Variants in FBXO4 observed in about 807,000 individuals in gnomAD.
FBXO4 encodes the protein F-box protein 4, also known as F-box only protein 4.
Under a neutral mutation model 43.7 loss-of-function variants are expected in FBXO4, and 36 were observed. The ratio of observed to expected loss-of-function variants is 0.82; its 90% CI spans 0.63 to 1.09. The LOEUF (loss-of-function observed/expected upper bound fraction) is 1.09, where lower values mean the gene tolerates loss of function less well. Among genes scored for constraint, FBXO4 ranks in the 50% least tolerant of loss-of-function variants. The pLI, the probability that FBXO4 is intolerant of heterozygous loss-of-function variation, is 0.00. For synonymous variants in FBXO4, 180 were observed against 165.6 expected, an observed-to-expected ratio of 1.09 and a Z score of -0.67; for missense variants, 435 against 474.1, an observed-to-expected ratio of 0.92 and a Z score of 0.77.
chr5:42,016,182 C>T, the FBXO4 span, among the ~76,000 whole-genome samples: 2 of 152,116 alleles, frequency 1.3e-5, no homozygotes, highest in African/African-American at 4.8e-5. Context: ...TTTCCATGCT[C>T]ATCTCCAGGT....
the FBXO4 span, among the ~76,000 whole-genome samples, chr5:41,988,497 A>G: frequency 6.6e-6 from 1 of 152,176 alleles, no homozygotes; most frequent in Admixed American, 6.6e-5. Context: ...AGAACTCACA[A>G]AAGTGTTGGG....
At chr5:42,024,302 A>G in the FBXO4 span, among the ~76,000 whole-genome samples, 1 of 152,094 alleles carries the variant, frequency 6.6e-6, no homozygotes, top group Non-Finnish European at 1.5e-5. Context: ...ATCTTTCTAA[A>G]AGGTAATCAT....
the FBXO4 span, among the ~76,000 whole-genome samples, chr5:41,977,920 C>G: frequency 6.6e-6 from 1 of 152,230 alleles, no homozygotes; most frequent in South Asian, 2.1e-4. Context: ...TGCCCCACTT[C>G]TGGCACTAAG....
the FBXO4 span, among the ~76,000 whole-genome samples, chr5:41,964,851 G>A: frequency 6.6e-6 from 1 of 152,014 alleles, no homozygotes; most frequent in East Asian, 1.9e-4. Flanking sequence ...CACTCTGATG[G>A]TAGTTTCTTT....
downstream of FBXO4, among the ~76,000 whole-genome samples, chr5:41,942,878 A>G (rs576074953): frequency 4.6e-5 from 7 of 152,258 alleles, no homozygotes; most frequent in South Asian, 2.1e-4. Context: ...CCATATAATT[A>G]TGGGTAACAA....
chr5:41,976,746 G>T, the FBXO4 span, among the ~76,000 whole-genome samples: 1 of 152,188 alleles, frequency 6.6e-6, no homozygotes, highest in African/African-American at 2.4e-5. Context: ...AGCTGCCCAT[G>T]ACTAACATTC....
chr5:42,028,718 A>G, the FBXO4 span, among the ~76,000 whole-genome samples: 2 of 151,594 alleles, frequency 1.3e-5, no homozygotes, highest in Non-Finnish European at 2.9e-5. Flanking sequence ...GCTTGAGGTT[A>G]CCATGAAGGT....
the FBXO4 span, among the ~76,000 whole-genome samples, chr5:42,001,993 C>A: frequency 1.3e-5 from 2 of 152,178 alleles, no homozygotes; most frequent in Non-Finnish European, 2.9e-5. Flanking sequence ...CTGTGCCCAG[C>A]CACCTTAATT....
At chr5:42,038,817 T>G in the FBXO4 span, among the ~76,000 whole-genome samples, 1 of 152,070 alleles carries the variant, frequency 6.6e-6, no homozygotes, top group Non-Finnish European at 1.5e-5. Context: ...TCTACTTCCA[T>G]GAATTCATTT....
At chr5:41,979,650 G>C in the FBXO4 span, among the ~76,000 whole-genome samples, 1 of 152,202 alleles carries the variant, frequency 6.6e-6, no homozygotes, top group Non-Finnish European at 1.5e-5. Flanking sequence ...GCCAGTGCAA[G>C]TTGGTGCCAG....
chr5:41,981,860 T>C, the FBXO4 span, among the ~76,000 whole-genome samples: 2 of 151,816 alleles, frequency 1.3e-5, no homozygotes, highest in East Asian at 1.9e-4. Context: ...TAACTCCTCA[T>C]TTAGCATTAG....
chr5:41,929,777 AC>A lies in FBXO4; in HGVS notation c.507del (p.Ser170ProfsTer2). The A allele has an allele frequency of 6.2e-7, 1 of 1,613,804 alleles. No individual in the cohort carries two copies. Among genetic ancestry groups the A allele is most frequent in the Non-Finnish European group, 8.5e-7 (1 of 1,179,938 alleles). ...TATGGAGCTGTCACTTCTTTTTTAC[AC>A]TCCCTGATCATTCAGAATGAACCAC... ...PMYGAVTSFL[H>X]SLIIQNEPRF... On this transcript the variant is annotated frameshift_variant, in exon 3 of 7. Coordinates refer to ENST00000281623, the MANE Select transcript of FBXO4 (RefSeq NM_012176.3). LOFTEE classifies it high-confidence loss of function.
chr5:42,028,231 G>A, the FBXO4 span, among the ~76,000 whole-genome samples: 1 of 151,794 alleles, frequency 6.6e-6, no homozygotes, highest in South Asian at 2.1e-4. Flanking sequence ...ATTTAAAATT[G>A]TTATATTCTT....
intron 6 of FBXO4, 86 bp downstream of exon 6, chr5:41,939,702 A>G: frequency 9.0e-7 from 1 of 1,112,938 alleles, no homozygotes; most frequent in Non-Finnish European, 1.2e-6. Flanking sequence ...CATCTTCTTT[A>G]ATGAAATGGC....
chr5:42,032,665 C>T, the FBXO4 span, among the ~76,000 whole-genome samples: 1 of 152,148 alleles, frequency 6.6e-6, no homozygotes, highest in African/African-American at 2.4e-5. Context: ...TCTAGAAATG[C>T]CATCCAACGT....
At chr5:41,933,808 C>A in intron 3 of FBXO4, 138 bp from the exon 4 acceptor site, 1 of 632,732 alleles carries the variant, frequency 1.6e-6, no homozygotes, top group South Asian at 2.1e-5. Flanking sequence ...TCAACGTATA[C>A]ATTTTATTTC....
At chr5:41,973,660 G>T in the FBXO4 span, among the ~76,000 whole-genome samples, 1 of 152,200 alleles carries the variant, frequency 6.6e-6, no homozygotes. Flanking sequence ...CAGCCTGGGT[G>T]AGACAGCATC....
At chr5:41,932,420 G>T (rs1376343372) in intron 3 of FBXO4, among the ~76,000 whole-genome samples, 1 of 152,158 alleles carries the variant, frequency 6.6e-6, no homozygotes, top group Non-Finnish European at 1.5e-5. Context: ...TGGCATGGTT[G>T]CAGTCTTAGT....
the FBXO4 span, among the ~76,000 whole-genome samples, chr5:41,988,504 TG>T: frequency 6.6e-6 from 1 of 152,204 alleles, no homozygotes; most frequent in African/African-American, 2.4e-5. Flanking sequence ...ACAAAAGTGT[TG>T]GGGCCTTGAT....
Sources: allele counts gnomAD v4.1 joint callset (sites outside exome capture counted in the v4.1 genomes callset), GRCh38; gene constraint gnomAD v4.1.1; transcripts MANE v1.5; gene names NCBI Gene and HGNC (gene_info 2026-07-23, HGNC 2026-07-21).